Variants in GNAI1 observed in about 807,000 individuals in gnomAD.
GNAI1 encodes the protein guanine nucleotide-binding protein G(i) subunit alpha-1.
GNAI1 carries 11 observed loss-of-function variants against 38.9 expected under a neutral mutation model. That is an observed-to-expected ratio of 0.28 (90% CI 0.18 to 0.47). The LOEUF (loss-of-function observed/expected upper bound fraction) is 0.47. Among genes scored for constraint, GNAI1 ranks in the 20% least tolerant of loss-of-function variants. The pLI is 0.99. For synonymous variants in GNAI1, 166 were observed against 145.1 expected (o/e 1.14, Z -1.04); for missense variants, 317 against 436.9 (o/e 0.73, Z 2.45).
chr7:80,156,042 CAAAAAAAAAA>C (rs1182960135), intron 1 of GNAI1, among the ~76,000 whole-genome samples: 3 of 68,534 alleles, frequency 4.4e-5, no homozygotes, highest in South Asian at 1.2e-3. Context: ...GACTCTGTCT[CAAAAAAAAAA>C]AAAAAAAAAA....
rs1386591540 is a variant in GNAI1, at chr7:80,220,633, A to G, written c.*3140A>G. ...TAACCTTCTAAAAGTCTACTTTTTT[A>G]TGCCTAATCTAGTTTAATCGAATTC... On this transcript the variant is annotated 3_prime_UTR_variant, in exon 8 of 8. Coordinates refer to ENST00000649796, the MANE Select transcript of GNAI1 (RefSeq NM_002069.6). Among the ~76,000 whole-genome samples the G allele has an allele frequency of 2.0e-5, 3 of 152,214 alleles. No individual in the cohort carries two copies. The highest frequency in any genetic ancestry group is 2.9e-5 in the Non-Finnish European group (2 of 68,044).
chr7:80,209,825 T>C (rs181464569), intron 5 of GNAI1, among the ~76,000 whole-genome samples: 23 of 152,362 alleles, frequency 1.5e-4, no homozygotes, highest in African/African-American at 4.1e-4. Flanking sequence ...TTGATCGTTA[T>C]TACCAGCTAT....
At chr7:80,197,703 A>G (rs902949444) in intron 3 of GNAI1, among the ~76,000 whole-genome samples, 2 of 152,068 alleles carry the variant, frequency 1.3e-5, no homozygotes, top group Non-Finnish European at 2.9e-5. Flanking sequence ...TGTCGCTTGC[A>G]TGCATTTCTC....
At chr7:80,180,368 GAAGT>G (rs1173276900) in intron 1 of GNAI1, among the ~76,000 whole-genome samples, 4 of 151,824 alleles carry the variant, frequency 2.6e-5, no homozygotes, top group African/African-American at 9.7e-5. Flanking sequence ...GTGTAAATGT[GAAGT>G]TAGTATAAGA....
rs185654309 is a variant in GNAI1 at position 80,194,560 on chromosome 7, A to G, written c.304-4665A>G. On this transcript the variant is annotated intron_variant, in intron 3 of 7. Transcript: ENST00000649796. ...TTGATGCTCTTTTTAAAGCAAGGGG[A>G]ATTTTGAGGGAGTGAATTTTAACAT... is the stretch of plus-strand genomic sequence containing the variant. Among the ~76,000 whole-genome samples, 15 of 152,156 alleles carry G rather than the reference A, an allele frequency of 9.9e-5. No individual in the cohort carries two copies. The East Asian group carries it at 2.9e-3, about 29-fold the overall frequency.
chr7:80,195,219 A>C (rs1029883637), intron 3 of GNAI1, among the ~76,000 whole-genome samples: 1 of 151,838 alleles, frequency 6.6e-6, no homozygotes, highest in Non-Finnish European at 1.5e-5. Flanking sequence ...TTTATATAAT[A>C]TGTTTATTGA....
At chr7:80,160,101 C>T (rs1256775400) in intron 1 of GNAI1, among the ~76,000 whole-genome samples, 1 of 152,136 alleles carries the variant, frequency 6.6e-6, no homozygotes, top group African/African-American at 2.4e-5. Context: ...TCCTTAAAGC[C>T]TCTCTGGGAA....
At chr7:80,177,400 A>G (rs1788204476) in intron 1 of GNAI1, among the ~76,000 whole-genome samples, 2 of 152,168 alleles carry the variant, frequency 1.3e-5, no homozygotes, top group Non-Finnish European at 2.9e-5. Context: ...GCACATATAT[A>G]AAGATTCTTT....
intron 1 of GNAI1, among the ~76,000 whole-genome samples, chr7:80,168,742 C>G (rs1031673918): frequency 1.3e-5 from 2 of 152,196 alleles, no homozygotes; most frequent in African/African-American, 4.8e-5. Flanking sequence ...TGTTCACCAT[C>G]ACCAGTGTCC....
chr7:80,171,101 G>A (rs528461313), intron 1 of GNAI1, among the ~76,000 whole-genome samples: 6 of 152,216 alleles, frequency 3.9e-5, no homozygotes, highest in African/African-American at 1.2e-4. Flanking sequence ...GTTAAATTAG[G>A]ACCAAATAGT....
chr7:80,193,021 GT>G, intron 3 of GNAI1, among the ~76,000 whole-genome samples: 1 of 146,090 alleles, frequency 6.8e-6, no homozygotes, highest in South Asian at 2.2e-4. Flanking sequence ...TTTTTTTTTT[GT>G]TTTTAATAAT....
At chr7:80,211,192 T>C in intron 6 of GNAI1, 94 bp downstream of exon 6, 1 of 1,042,952 alleles carries the variant, frequency 9.6e-7, no homozygotes. Context: ...AATTTGAAAG[T>C]ACAGGGTCTT....
intron 1 of GNAI1, among the ~76,000 whole-genome samples, chr7:80,161,225 A>G (rs1008137583): frequency 3.3e-5 from 5 of 152,140 alleles, no homozygotes; most frequent in African/African-American, 7.2e-5. Flanking sequence ...CTGTTGCATT[A>G]TTACCTTATT....
intron 1 of GNAI1, among the ~76,000 whole-genome samples, chr7:80,171,165 A>G (rs1788092487): frequency 6.6e-6 from 1 of 152,176 alleles, no homozygotes; most frequent in Admixed American, 6.5e-5. Flanking sequence ...CTGTTTACCT[A>G]CGTACGCCTT....
intron 1 of GNAI1, among the ~76,000 whole-genome samples, chr7:80,178,927 A>G (rs939404715): frequency 1.3e-5 from 2 of 152,192 alleles, no homozygotes; most frequent in Admixed American, 6.5e-5. Context: ...TTATACTTAA[A>G]TGTTATTGAA....
chr7:80,222,667 G>A lies in GNAI1; in HGVS notation c.*5174G>A, dbSNP rs572147732. Reference sequence around the variant, plus strand: ...CGCCCAAAGTGCTGGGATTACAGGTGTGAGCCACCGCACCTGGCCAAAATA... The same window carrying A: ...CGCCCAAAGTGCTGGGATTACAGGTATGAGCCACCGCACCTGGCCAAAATA... On this transcript the variant is annotated 3_prime_UTR_variant, in exon 8 of 8. Transcript: ENST00000649796. Among the ~76,000 whole-genome samples, 99 of 152,066 alleles carry A rather than the reference G, an allele frequency of 6.5e-4. No homozygotes were observed. Among genetic ancestry groups the A allele is most frequent in the Non-Finnish European group, 1.2e-3 (85 of 68,014 alleles).
intron 7 of GNAI1, among the ~76,000 whole-genome samples, chr7:80,213,442 T>G (rs1489023678): frequency 6.6e-6 from 1 of 152,186 alleles, no homozygotes; most frequent in East Asian, 1.9e-4. Context: ...AGACCTGAAG[T>G]ACAGTCCTGA....
intron 1 of GNAI1, among the ~76,000 whole-genome samples, chr7:80,160,400 G>T (rs1303860561): frequency 1.3e-5 from 2 of 151,602 alleles, no homozygotes; most frequent in Non-Finnish European, 2.9e-5. Context: ...GAGAAGAACT[G>T]TTAGGCTCAA....
At chr7:80,169,379 A>G (rs1788065164) in intron 1 of GNAI1, among the ~76,000 whole-genome samples, 1 of 152,188 alleles carries the variant, frequency 6.6e-6, no homozygotes. Flanking sequence ...GACATGTATC[A>G]TTTTCTCATA....
Sources: allele counts gnomAD v4.1 joint callset (sites outside exome capture counted in the v4.1 genomes callset), GRCh38; gene constraint gnomAD v4.1.1; transcripts MANE v1.5; gene names NCBI Gene and HGNC (gene_info 2026-07-23, HGNC 2026-07-21).